XKR6: variants seen among roughly 807,000 people sequenced by gnomAD.
The protein encoded by XKR6 is XK-related protein 6.
In XKR6, 22 loss-of-function variants were observed where a neutral mutation model predicts 56.7. The ratio of observed to expected loss-of-function variants is 0.39; its 90% CI spans 0.28 to 0.55. XKR6 has a LOEUF of 0.55. XKR6 is among the 20% of genes least tolerant of loss of function. The pLI is 0.66. For synonymous variants in XKR6, 524 were observed against 387.8 expected, an observed-to-expected ratio of 1.35 and a Z score of -4.13; for missense variants, 852 against 889.0, an observed-to-expected ratio of 0.96 and a Z score of 0.53.
chr8:11,008,828 G>GC (rs895229397), intron 1 of XKR6, among the ~76,000 whole-genome samples: 5 of 151,878 alleles, frequency 3.3e-5, no homozygotes, highest in African/African-American at 7.3e-5. Context: ...TTGGTTGCAG[G>GC]CCCCCCCGCC....
chr8:11,042,651 C>T (rs568929261), intron 1 of XKR6, among the ~76,000 whole-genome samples: 21 of 152,318 alleles, frequency 1.4e-4, no homozygotes, highest in African/African-American at 3.8e-4. Flanking sequence ...AGTACAACAT[C>T]CCAAATCCAA....
At chr8:11,012,631 C>T (rs558570175) in intron 1 of XKR6, among the ~76,000 whole-genome samples, 1 of 150,176 alleles carries the variant, frequency 6.7e-6, no homozygotes, top group Non-Finnish European at 1.5e-5. Flanking sequence ...CTCACCTCCC[C>T]CTAGCTTGCA....
At chr8:10,973,099 G>A (rs1241692942) in intron 1 of XKR6, among the ~76,000 whole-genome samples, 1 of 152,182 alleles carries the variant, frequency 6.6e-6, no homozygotes, top group Non-Finnish European at 1.5e-5. Context: ...TATTGAAGAT[G>A]ATTCAGAATG....
At chr8:11,118,506 G>C (rs926193260) in intron 1 of XKR6, among the ~76,000 whole-genome samples, 31 of 152,178 alleles carry the variant, frequency 2.0e-4, no homozygotes, top group African/African-American at 7.2e-4. Flanking sequence ...GGTCTATTCA[G>C]AGATTCAACT....
intron 1 of XKR6, among the ~76,000 whole-genome samples, chr8:10,966,183 C>G (rs1221931167): frequency 6.6e-6 from 1 of 152,176 alleles, no homozygotes. Flanking sequence ...GAAACACTGA[C>G]TAAGAAACAC....
At chr8:11,087,263 C>A (rs1197453848) in intron 1 of XKR6, among the ~76,000 whole-genome samples, 8 of 152,238 alleles carry the variant, frequency 5.3e-5, no homozygotes, top group African/African-American at 1.9e-4. Context: ...AAAGATCCCA[C>A]TTGGCCTCCA....
chr8:11,105,647 G>C (rs530772577), intron 1 of XKR6: 2 of 152,162 alleles, frequency 1.3e-5, no homozygotes, highest in African/African-American at 4.8e-5. Context: ...TTTAATTCAC[G>C]TGGATTTTTT....
intron 1 of XKR6, among the ~76,000 whole-genome samples, chr8:10,956,622 C>T (rs1483348311): frequency 6.6e-6 from 1 of 152,192 alleles, no homozygotes; most frequent in African/African-American, 2.4e-5. Flanking sequence ...CTACAGCCCT[C>T]ATGGGGCTTT....
chr8:11,089,795 C>T (rs1346342472), intron 1 of XKR6, among the ~76,000 whole-genome samples: 1 of 152,212 alleles, frequency 6.6e-6, no homozygotes, highest in Non-Finnish European at 1.5e-5. Flanking sequence ...AACCTGTCTT[C>T]TCCGTCATCT....
chr8:11,150,705 T>C (rs914561468), intron 1 of XKR6, among the ~76,000 whole-genome samples: 4 of 151,790 alleles, frequency 2.6e-5, no homozygotes, highest in African/African-American at 7.3e-5. Context: ...ATACAAAAAT[T>C]AGCTGGGTGT....
chr8:11,129,203 CAT>C (rs1799981013), intron 1 of XKR6, among the ~76,000 whole-genome samples: 1 of 152,172 alleles, frequency 6.6e-6, no homozygotes, highest in African/African-American at 2.4e-5. Context: ...ACATTGTAAA[CAT>C]ACTCTTACAC....
At chr8:11,041,099 A>G (rs1382759592) in intron 1 of XKR6, among the ~76,000 whole-genome samples, 1 of 152,144 alleles carries the variant, frequency 6.6e-6, no homozygotes, top group South Asian at 2.1e-4. Flanking sequence ...CACCCCCATC[A>G]GGATCAGAGG....
intron 1 of XKR6, among the ~76,000 whole-genome samples, chr8:11,165,055 A>G (rs1033018486): frequency 1.7e-4 from 25 of 151,268 alleles, no homozygotes; most frequent in African/African-American, 5.6e-4. Context: ...CAGCATGTCA[A>G]TACTGAGTAA....
At chr8:11,135,267 G>A (rs1362270838) in intron 1 of XKR6, among the ~76,000 whole-genome samples, 1 of 152,084 alleles carries the variant, frequency 6.6e-6, no homozygotes, top group Non-Finnish European at 1.5e-5. Context: ...CTGACCTCGT[G>A]ATCCGCCAGT....
intron 1 of XKR6, among the ~76,000 whole-genome samples, chr8:11,005,075 A>C (rs763853525): frequency 2.6e-5 from 4 of 152,148 alleles, no homozygotes; most frequent in Non-Finnish European, 4.4e-5. Flanking sequence ...TGGATGCCTG[A>C]AACCACAGAT....
At chr8:11,014,928 C>T (rs1413902191) in intron 1 of XKR6, among the ~76,000 whole-genome samples, 1 of 152,184 alleles carries the variant, frequency 6.6e-6, no homozygotes, top group East Asian at 1.9e-4. Flanking sequence ...ATGTCTTCAT[C>T]AGAAGGTTAT....
At chr8:11,152,255 G>A (rs941061097) in intron 1 of XKR6, among the ~76,000 whole-genome samples, 3 of 152,198 alleles carry the variant, frequency 2.0e-5, no homozygotes, top group Non-Finnish European at 4.4e-5. Context: ...CTTCTCTGAA[G>A]TATTTAAGGG....
intron 1 of XKR6, among the ~76,000 whole-genome samples, chr8:11,119,803 C>A (rs1038221952): frequency 2.6e-5 from 4 of 152,236 alleles, no homozygotes; most frequent in African/African-American, 9.6e-5. Flanking sequence ...TACTGGCAAA[C>A]CGAATCCAGC....
chr8:11,159,626 ACT>A (rs1801695248), intron 1 of XKR6, among the ~76,000 whole-genome samples: 1 of 151,864 alleles, frequency 6.6e-6, no homozygotes, highest in Non-Finnish European at 1.5e-5. Context: ...TAGAGCAGAA[ACT>A]CTTCAGGTGG....
Sources: allele counts gnomAD v4.1 joint callset (sites outside exome capture counted in the v4.1 genomes callset), GRCh38; gene constraint gnomAD v4.1.1; transcripts MANE v1.5; gene names NCBI Gene and HGNC (gene_info 2026-07-23, HGNC 2026-07-21).